AP3M2: variants seen among roughly 807,000 people sequenced by gnomAD.
AP3M2 encodes AP-3 complex subunit mu-2.
AP3M2 carries 28 observed loss-of-function variants against 41.6 expected under a neutral mutation model. That is an observed-to-expected ratio of 0.67 (90% CI 0.50 to 0.92). The LOEUF (loss-of-function observed/expected upper bound fraction) is 0.92. Ranked by LOEUF, AP3M2 falls within the 40% of genes least tolerant of loss-of-function variation. The pLI is 0.00. For missense variants in AP3M2, 427 were observed against 521.4 expected (o/e 0.82, Z 1.76); for synonymous variants, 193 against 186.4 (o/e 1.04, Z -0.29).
chr8:42,153,716 ATCTCG>A (rs2150956013), intron 1 of AP3M2: 1 of 150,672 alleles, frequency 6.6e-6, no homozygotes, highest in East Asian at 2.0e-4. Context: ...GCCCGGGCTG[ATCTCG>A]AACTCGTGAG....
Position 42,167,413 on chromosome 8 carries a change from G to C in AP3M2, c.1011+42G>C, listed in dbSNP as rs1804671054. ...CATCTTGAATTGCTGATGTTAAGCAGAAACCAGTCTGCAGGTTCTCTGTGT... is the reference window on the plus strand; with the variant it reads ...CATCTTGAATTGCTGATGTTAAGCACAAACCAGTCTGCAGGTTCTCTGTGT... On this transcript the variant is annotated intron_variant, in intron 7 of 8. Transcript: ENST00000396926. The C allele has an allele frequency of 3.7e-6, 6 of 1,604,588 alleles. No homozygotes were observed. In the East Asian group the frequency reaches 1.1e-4, roughly 30 times the overall value.
chr8:42,154,686 C>T lies in AP3M2; in HGVS notation c.-2C>T, dbSNP rs758994283. ...TTTCTTCTGTCACTGACAATCGCCA[C>T]CATGATCCATAGTCTTTTCTTGATC... On this transcript the variant is annotated 5_prime_UTR_variant, in exon 2 of 9. Transcript: ENST00000396926. 7.4e-6 allele frequency: 12 copies of T among 1,613,140 alleles called. No individual in the cohort carries two copies. In the Admixed American group the frequency reaches 1.8e-4, roughly 25 times the overall value.
intron 8 of AP3M2, chr8:42,168,266 C>CTGTGCCGACCTTAGCACGG (rs776654397): frequency 4.4e-6 from 2 of 456,462 alleles, no homozygotes; most frequent in Non-Finnish European, 4.4e-6. Context: ...TCACTATAGT[C>CTGTGCCGACCTTAGCACGG]TGTGCCGACC....
intron 3 of AP3M2, among the ~76,000 whole-genome samples, chr8:42,158,449 A>G (rs538335262): frequency 2.4e-4 from 37 of 152,020 alleles, no homozygotes; most frequent in African/African-American, 8.9e-4. Context: ...GTGTTTCACT[A>G]TGTTGGCCAG....
intron 6 of AP3M2, among the ~76,000 whole-genome samples, chr8:42,166,535 A>G (rs1804640473): frequency 6.9e-6 from 1 of 144,894 alleles, no homozygotes; most frequent in African/African-American, 2.6e-5. Context: ...CAAGAGGATC[A>G]CTTGAGCCCA....
At chr8:42,165,235 A>C in intron 5 of AP3M2, 79 bp downstream of exon 5, 1 of 1,500,002 alleles carries the variant, frequency 6.7e-7, no homozygotes, top group Non-Finnish European at 9.1e-7. Flanking sequence ...TGGGAATGGA[A>C]TAGAACAAGA....
intron 7 of AP3M2, 147 bp downstream of exon 7, chr8:42,167,518 G>A (rs909668600): frequency 1.7e-5 from 23 of 1,356,926 alleles, no homozygotes; most frequent in Admixed American, 1.6e-4. Context: ...ACAGTAACAC[G>A]TAGGATTCTC....
chr8:42,162,943 CAAAAAAAAAA>C lies in AP3M2; in HGVS notation c.583+544_583+553del, dbSNP rs67923954. Among the ~76,000 whole-genome samples, 12 of 54,214 alleles carry C rather than the reference CAAAAAAAAAA, an allele frequency of 2.2e-4. 1 individual carries two copies. Among genetic ancestry groups the C allele is most frequent in the Admixed American group, 9.8e-4 (4 of 4,062 alleles). 35.6% of individuals were successfully genotyped at this position (54,214 alleles called of 152,430 possible). ...CCTGGGCAACAGCAAGACCCTGTCT[CAAAAAAAAAA>C]AAAAAAAAAAAAAAAAAAGTAACAA... is the stretch of plus-strand genomic sequence containing the variant. On this transcript the variant is annotated intron_variant, in intron 4 of 8. Transcript: ENST00000396926.
At chr8:42,167,072 C>T in intron 6 of AP3M2, 92 bp from the exon 7 acceptor site, 1 of 1,094,628 alleles carries the variant, frequency 9.1e-7, no homozygotes, top group South Asian at 1.3e-5. Context: ...GGAGAAGAAG[C>T]TACCCACAGG....
chr8:42,163,892 T>C (rs1804573415), intron 4 of AP3M2, among the ~76,000 whole-genome samples: 1 of 152,340 alleles, frequency 6.6e-6, no homozygotes, highest in East Asian at 1.9e-4. Context: ...AAGTAAAATA[T>C]ATATGGCCAG....
intron 8 of AP3M2, chr8:42,168,377 C>T: frequency 3.0e-6 from 1 of 338,322 alleles, no homozygotes; most frequent in Non-Finnish European, 5.9e-6. Flanking sequence ...TCCTTAGAAA[C>T]TCTGTGATGT....
intron 2 of AP3M2, 141 bp downstream of exon 2, chr8:42,155,101 A>T: frequency 2.8e-6 from 2 of 712,810 alleles, no homozygotes; most frequent in Non-Finnish European, 4.7e-6. Flanking sequence ...CCCATCTGAT[A>T]AGATTCTGGT....
At chr8:42,155,889 T>C (rs1804340339) in intron 2 of AP3M2, 1 of 430,840 alleles carries the variant, frequency 2.3e-6, no homozygotes, top group Admixed American at 2.6e-5. Context: ...GTTCCTTCTC[T>C]TGTACTCATA....
In AP3M2 at chr8:42,169,374, T is replaced by C. The variant is rs1443674815; in HGVS notation, c.*313T>C. On this transcript the variant is annotated 3_prime_UTR_variant, in exon 9 of 9. Transcript: ENST00000396926. ...AAGACCAACATTTGTTTAGCTTGCT[T>C]GGCTTTAATTATCTAAAGCCAATGA... is the stretch of plus-strand genomic sequence containing the variant. The C allele has an allele frequency of 9.7e-6, 2 of 206,946 alleles. No individual in the cohort carries two copies. The highest frequency in any genetic ancestry group is 1.9e-5 in the Non-Finnish European group (2 of 104,672). 12.8% of individuals were successfully genotyped at this position (206,946 alleles called of 1,614,324 possible). A position where few individuals can be genotyped will look rare whatever the true frequency, so the allele number is the denominator to read the frequency against.
intron 2 of AP3M2, among the ~76,000 whole-genome samples, chr8:42,157,161 A>G (rs1273823554): frequency 6.6e-6 from 1 of 152,210 alleles, no homozygotes. Context: ...CACGCATTCC[A>G]TTTTGTAGTG....
chr8:42,161,753 A>G (rs1804511808), intron 3 of AP3M2, among the ~76,000 whole-genome samples: 1 of 152,230 alleles, frequency 6.6e-6, no homozygotes, highest in African/African-American at 2.4e-5. Flanking sequence ...AAAACAAGTG[A>G]AGGAATTGAT....
At position 42,169,347 on chromosome 8, in the gene AP3M2, G is replaced by A. The variant is rs72641449; in HGVS notation, c.*286G>A. 7,236 of 250,104 alleles carry A rather than the reference G, an allele frequency of 0.029. 132 individuals carry two copies. The highest frequency in any genetic ancestry group is 0.058 in the Middle Eastern group (47 of 806). The allele number at this position is 250,104 out of a possible 1,614,324, so 15.5% of individuals were successfully genotyped here. On this transcript the variant is annotated 3_prime_UTR_variant, in exon 9 of 9. Transcript: ENST00000396926. ...ACCATTTTAAACGTGGTTTCTATAG[G>A]AAAGACCAACATTTGTTTAGCTTGC...
At chr8:42,165,709 T>C in intron 6 of AP3M2, 149 bp downstream of exon 6, 2 of 822,040 alleles carry the variant, frequency 2.4e-6, no homozygotes, top group South Asian at 3.7e-5. Context: ...TCAGGTGAGT[T>C]GCTTAACCCC....
intron 3 of AP3M2, among the ~76,000 whole-genome samples, chr8:42,159,183 G>A (rs148219412): frequency 7.2e-5 from 11 of 152,252 alleles, no homozygotes; most frequent in Non-Finnish European, 1.5e-4. Flanking sequence ...ACTGATTTTT[G>A]TTCTTTTAAA....
Sources: allele counts gnomAD v4.1 joint callset (sites outside exome capture counted in the v4.1 genomes callset), GRCh38; gene constraint gnomAD v4.1.1; transcripts MANE v1.5; gene names NCBI Gene and HGNC (gene_info 2026-07-23, HGNC 2026-07-21).